Variants in MMP21 observed in about 807,000 individuals in gnomAD.
The protein encoded by MMP21 is matrix metalloproteinase-21.
A neutral mutation model predicts 47.8 loss-of-function variants in MMP21; 40 were observed. That is an observed-to-expected ratio of 0.84 (90% confidence interval 0.65 to 1.09). MMP21 has a LOEUF of 1.09. Ranked by LOEUF, MMP21 falls within the 50% of genes least tolerant of loss-of-function variation. The pLI is 0.00. For missense variants in MMP21, 747 were observed against 775.3 expected, an observed-to-expected ratio of 0.96 and a Z score of 0.43; for synonymous variants, 341 against 318.0, an observed-to-expected ratio of 1.07 and a Z score of -0.77.
intron 1 of MMP21, 32 bp downstream of exon 1, chr10:125,775,628 G>A (rs555317498): frequency 3.2e-6 from 5 of 1,577,040 alleles, no homozygotes; most frequent in Non-Finnish European, 3.5e-6. Flanking sequence ...CACGGGCCTG[G>A]GGGTATTGCT....
chr10:125,767,525 T>C lies in MMP21; in HGVS notation c.1410+7A>G, dbSNP rs769411976. On this transcript the variant is annotated splice_region_variant and intron_variant, in intron 6 of 6. Transcript: ENST00000368808. ...AGCATTGCTAGGCTGAAGAGCCTTC[T>C]ACTTACAAGGGACTCCTTGAAGAAG... 3.7e-6 allele frequency: 6 copies of C among 1,612,922 alleles called. No individual in the cohort carries two copies. The highest frequency in any genetic ancestry group is 2.5e-6 in the Non-Finnish European group (3 of 1,179,218).
At position 125,774,452 on chromosome 10, in the gene MMP21, A is replaced by C. The variant is rs1410930603; in HGVS notation, c.163-87T>G. On this transcript the variant is annotated intron_variant, in intron 1 of 6. Coordinates refer to ENST00000368808, the MANE Select transcript of MMP21 (RefSeq NM_147191.1). ...TGCCCCAAAGTCTAGAGAGACAGAG[A>C]CATGGGGATAGAGACAGAGACAGAG... 37 of 920,796 alleles carry C rather than the reference A, an allele frequency of 4.0e-5. No homozygotes were observed. The East Asian group carries it at 1.2e-3, about 30-fold the overall frequency. The allele number at this position is 920,796 out of a possible 1,614,324, so 57.0% of individuals were successfully genotyped here.
Position 125,772,079 on chromosome 10 carries a change from G to A in MMP21, c.979+139C>T. ...GAATGGCATCAGGGAGCTAGAGGGT[G>A]GCTACCCTTGGGTGACATGAGTTGT... On this transcript the variant is annotated intron_variant, in intron 4 of 6. Coordinates refer to ENST00000368808, the MANE Select transcript of MMP21 (RefSeq NM_147191.1). This position sits in a 1 kb window ranked among gnomAD's most constrained non-coding sequence, Gnocchi z 5.6. 1.0e-6 allele frequency: 1 copy of A among 994,810 alleles called. No homozygotes were observed. Among genetic ancestry groups the A allele is most frequent in the South Asian group, 1.6e-5 (1 of 62,904 alleles). The allele number at this position is 994,810 out of a possible 1,614,324, so 61.6% of individuals were successfully genotyped here. A position where few individuals can be genotyped will look rare whatever the true frequency, so the allele number is the denominator to read the frequency against.
Position 125,766,911 on chromosome 10 carries a change from C to A in MMP21, c.1461G>T (p.Lys487Asn), listed in dbSNP as rs550532850. 1.9e-6 allele frequency: 3 copies of A among 1,611,512 alleles called. No individual in the cohort carries two copies. The African/African-American group carries it at 4.0e-5, about 22-fold the overall frequency. Residue 487 changes from lysine to asparagine, a missense_variant, in exon 7 of 7, where the codon AAG becomes AAT. By Grantham distance (94) the Lys-to-Asn change is moderately conservative. Transcript: ENST00000368808. ...CTGCTGGAAAAACTTCAGTAATCCT[C>A]TTTGGATAAGAATTAAGTACTCGAT... ...NRNRVLNSYP[K>N]RITEVFPAVI...
At chr10:125,768,231 C>T (rs1026707204) in intron 5 of MMP21, among the ~76,000 whole-genome samples, 7 of 152,172 alleles carry the variant, frequency 4.6e-5, no homozygotes, top group African/African-American at 1.7e-4. Flanking sequence ...CCTAGTCCCA[C>T]CACCACGCCC....
At position 125,774,169 on chromosome 10, in the gene MMP21, G is replaced by T. The variant is rs1313614614; in HGVS notation, c.359C>A (p.Pro120Gln). The T allele has an allele frequency of 2.0e-5, 26 of 1,275,988 alleles. No homozygotes were observed. Among genetic ancestry groups the T allele is most frequent in the Non-Finnish European group, 2.4e-5 (24 of 1,015,334 alleles). The allele number at this position is 1,275,988 out of a possible 1,614,324, so 79.0% of individuals were successfully genotyped here. Reference sequence around the variant, plus strand: ...GGAGGGGGGCGGTGGGCGCATGTCCGGGACCCCGCAGCGCGGCCGGTTCAT... The same window carrying T: ...GGAGGGGGGCGGTGGGCGCATGTCCTGGACCCCGCAGCGCGGCCGGTTCAT... ...AAMNRPRCGV[P>Q]DMRPPPPSAP... Residue 120 changes from proline (P) to glutamine (Q), a missense_variant, in exon 2 of 7, where the codon CCG becomes CAG. Physicochemically the swap from Pro to Gln is moderately conservative, Grantham distance 76. Coordinates refer to ENST00000368808, the MANE Select transcript of MMP21 (RefSeq NM_147191.1).
At position 125,768,868 on chromosome 10, in the gene MMP21, G is replaced by A. The variant is rs1470990780; in HGVS notation, c.1238-1164C>T. Among the ~76,000 whole-genome samples, 4 of 152,226 alleles carry A rather than the reference G, an allele frequency of 2.6e-5. No homozygotes were observed. In the South Asian group the frequency reaches 6.2e-4, roughly 24 times the overall value. On this transcript the variant is annotated intron_variant, in intron 5 of 6. Transcript: ENST00000368808. ...AAGACCTGAACTATAAAAGTCAGCT[G>A]TAAGTCAGTTTTTTTATGTAACTGA...
In MMP21 at chr10:125,774,124, C is replaced by G; in HGVS notation, c.404G>C (p.Gly135Ala). Residue 135 changes from glycine to alanine, a missense_variant, in exon 2 of 7, where the codon GGC becomes GCC. Gly to Ala is a moderately conservative substitution (Grantham distance 60). Coordinates refer to ENST00000368808, the MANE Select transcript of MMP21 (RefSeq NM_147191.1). ...CCTGGAGCGGGCTCTGGGGGGCGGG[C>G]CCGGGGGCGAAGGCGGGGCGGAGGG... ...PPPSAPPSPPGPPPRARSRRS... is the reference protein window; with the variant it reads ...PPPSAPPSPPAPPPRARSRRS... The G allele has an allele frequency of 7.7e-7, 1 of 1,303,098 alleles. No individual in the cohort carries two copies. Among genetic ancestry groups the G allele is most frequent in the Non-Finnish European group, 9.7e-7 (1 of 1,031,140 alleles). 80.7% of individuals were successfully genotyped at this position (1,303,098 alleles called of 1,614,324 possible). A position where few individuals can be genotyped will look rare whatever the true frequency, so the allele number is the denominator to read the frequency against.
Position 125,774,302 on chromosome 10 carries a change from GC to G in MMP21, c.225del (p.Pro76ArgfsTer34). On this transcript the variant is annotated frameshift_variant, in exon 2 of 7. Coordinates refer to ENST00000368808, the MANE Select transcript of MMP21 (RefSeq NM_147191.1). LOFTEE classifies it high-confidence loss of function. The part of the protein sequence containing the change: ...VWAAWGPSPE[G>X]PPETPKGAAL... ...GCGGCGCCCTTGGGGGTCTCCGGCG[GC>G]CCCTCGGGACTGGGCCCCCAGGCCG... 7.1e-7 allele frequency: 1 copy of G among 1,416,908 alleles called. No homozygotes were observed. The highest frequency in any genetic ancestry group is 9.1e-7 in the Non-Finnish European group (1 of 1,093,548). 87.8% of individuals were successfully genotyped at this position (1,416,908 alleles called of 1,614,324 possible).
Position 125,767,631 on chromosome 10 carries a change from G to C in MMP21, c.1311C>G (p.Pro437=). 6.2e-7 allele frequency: 1 copy of C among 1,614,130 alleles called. No homozygotes were observed. Among genetic ancestry groups the C allele is most frequent in the Non-Finnish European group, 8.5e-7 (1 of 1,180,000 alleles). The change falls in exon 6 of 7, where the codon CCC becomes CCG. Residue 437 remains proline (P), a synonymous_variant. Transcript: ENST00000368808. ...LTEDEQGKSY[P]KLISEGFPGI... ...CAGGAAATCCTTCTGAAATCAATTT[G>C]GGATAGCTTTTTCCTTGTTCATCTT...
Position 125,775,725 on chromosome 10 carries a change from G to A in MMP21, c.97C>T (p.Arg33Cys). The change falls in exon 1 of 7, where the codon CGC becomes TGC. Residue 33 changes from arginine to cysteine, a missense_variant. Arg to Cys is a radical substitution (Grantham distance 180). Transcript: ENST00000368808. ...QPESLFHSRD[R>C]SDLEPSPLRQ... The stretch of plus-strand genomic sequence containing the variant: ...AGTGGGGACGGCTCCAGGTCCGAGC[G>A]GTCCCGGCTGTGGAAGAGACTCTCG... 1.2e-6 allele frequency: 2 copies of A among 1,613,658 alleles called. No individual in the cohort carries two copies. Among genetic ancestry groups the A allele is most frequent in the Non-Finnish European group, 1.7e-6 (2 of 1,179,788 alleles).
In MMP21 at chr10:125,774,100, C is replaced by T. The variant is rs1425577021; in HGVS notation, c.428G>A (p.Arg143Lys). Residue 143 changes from arginine (R) to lysine (K), a missense_variant, in exon 2 of 7, where the codon AGG becomes AAG. Transcript: ENST00000368808. ...PPGPPPRARS[R>K]RSPRAPLSLS... ...GGACAGCGGCGCCCGCGGGGAGCGCCTGGAGCGGGCTCTGGGGGGCGGGCC... is the reference window on the plus strand; with the variant it reads ...GGACAGCGGCGCCCGCGGGGAGCGCTTGGAGCGGGCTCTGGGGGGCGGGCC... 5 of 1,344,560 alleles carry T rather than the reference C, an allele frequency of 3.7e-6. No individual in the cohort carries two copies. The highest frequency in any genetic ancestry group is 4.7e-6 in the Non-Finnish European group (5 of 1,054,448). 83.3% of individuals were successfully genotyped at this position (1,344,560 alleles called of 1,614,324 possible).
In MMP21 at chr10:125,773,117, C is replaced by G. The variant is rs1377339709; in HGVS notation, c.698-367G>C. Among the ~76,000 whole-genome samples the G allele has an allele frequency of 6.6e-6, 1 of 152,202 alleles. No homozygotes were observed. The highest frequency in any genetic ancestry group is 1.5e-5 in the Non-Finnish European group (1 of 68,044). ...GAAAGCTGGGTCCCTTAAAATTTGT[C>G]TTTTTCAGCCAACCGTGTCCCTATA... On this transcript the variant is annotated intron_variant, in intron 2 of 6. Transcript: ENST00000368808. The surrounding 1 kb of genome is among the most constrained non-coding windows in gnomAD (Gnocchi z 4.8).
Position 125,772,286 on chromosome 10 carries a change from T to A in MMP21, c.911A>T (p.Asn304Ile). ...AAAGGCAGGCTCCTGGGGAATGTAA[T>A]TTGGTTGCATTATGGATCCCGTCCT... is the stretch of plus-strand genomic sequence containing the variant. The part of the protein sequence containing the change: ...TYRTGSIMQP[N>I]YIPQEPAFEL... Residue 304 changes from asparagine to isoleucine, a missense_variant, in exon 4 of 7, where the codon AAT becomes ATT. Coordinates refer to ENST00000368808, the MANE Select transcript of MMP21 (RefSeq NM_147191.1). This position sits in a 1 kb window ranked among gnomAD's most constrained non-coding sequence, Gnocchi z 5.6. 2 of 1,614,102 alleles carry A rather than the reference T, an allele frequency of 1.2e-6. No homozygotes were observed. The highest frequency in any genetic ancestry group is 1.7e-6 in the Non-Finnish European group (2 of 1,179,996).
rs181468520 is a variant in MMP21 at position 125,767,047 on chromosome 10, G to A, written c.1411-86C>T. 2.1e-5 allele frequency: 23 copies of A among 1,074,750 alleles called. 1 individual carries two copies. In the African/African-American group the frequency reaches 3.2e-4, roughly 15 times the overall value. 66.6% of individuals were successfully genotyped at this position (1,074,750 alleles called of 1,614,324 possible). ...TATAACAATGAGATAAGTAACTCAA[G>A]ACTTTGTACCAAATTCTTTAGACTT... On this transcript the variant is annotated intron_variant, in intron 6 of 6. Transcript: ENST00000368808.
chr10:125,770,258 G>T, intron 5 of MMP21, 76 bp downstream of exon 5: 2 of 1,459,984 alleles, frequency 1.4e-6, no homozygotes, highest in Non-Finnish European at 1.9e-6. Context: ...CAGATTCCTT[G>T]GTAGGGGCTC....
At position 125,773,795 on chromosome 10, in the gene MMP21, T is replaced by A. The variant is rs1318441396; in HGVS notation, c.697+36A>T. On this transcript the variant is annotated intron_variant, in intron 2 of 6. Coordinates refer to ENST00000368808, the MANE Select transcript of MMP21 (RefSeq NM_147191.1). The surrounding 1 kb of genome is among the most constrained non-coding windows in gnomAD (Gnocchi z 4.8). ...AGGTGCGCCGGGGTCCCCGAGGGGC[T>A]GGGTCGGGCAGGCAGGGAGCCCGGG... 1.4e-6 allele frequency: 2 copies of A among 1,465,366 alleles called. No individual in the cohort carries two copies. The highest frequency in any genetic ancestry group is 1.8e-6 in the Non-Finnish European group (2 of 1,113,390). 90.8% of individuals were successfully genotyped at this position (1,465,366 alleles called of 1,614,324 possible).
At chr10:125,768,558 A>G (rs2133780936) in intron 5 of MMP21, among the ~76,000 whole-genome samples, 1 of 152,362 alleles carries the variant, frequency 6.6e-6, no homozygotes, top group East Asian at 1.9e-4. Context: ...CCCAAGCAGT[A>G]CGTTCCTTAG....
At chr10:125,775,005 C>G (rs1421114803) in intron 1 of MMP21, among the ~76,000 whole-genome samples, 1 of 152,208 alleles carries the variant, frequency 6.6e-6, no homozygotes, top group African/African-American at 2.4e-5. Context: ...GGGCGGCTCT[C>G]CTGCTCCCTG....
Sources: allele counts gnomAD v4.1 joint callset (sites outside exome capture counted in the v4.1 genomes callset), GRCh38; gene constraint gnomAD v4.1.1; non-coding constraint Gnocchi (gnomAD v3.1); transcripts MANE v1.5; gene names NCBI Gene and HGNC (gene_info 2026-07-23, HGNC 2026-07-21).